Variants in CCDC62 observed in about 807,000 individuals in gnomAD.
CCDC62 encodes the protein coiled-coil domain-containing protein 62.
In CCDC62, 72 loss-of-function variants were observed where a neutral mutation model predicts 80.8. The observed-to-expected ratio is 0.89, with a 90% CI of 0.74 to 1.08. The LOEUF is 1.08. Ranked by LOEUF, CCDC62 falls within the 50% of genes least tolerant of loss-of-function variation. The pLI is 0.00. For missense variants in CCDC62, 704 were observed against 809.4 expected (o/e 0.87, Z 1.58); for synonymous variants, 286 against 296.5 (o/e 0.96, Z 0.36).
chr12:122,803,156 G>A (rs145372704), intron 9 of CCDC62, among the ~76,000 whole-genome samples: 2 of 152,232 alleles, frequency 1.3e-5, no homozygotes, highest in East Asian at 3.9e-4. Flanking sequence ...GTGAGCCACC[G>A]CATCCAGCAT....
chr12:122,805,605 C>G (rs1055654618), intron 9 of CCDC62, among the ~76,000 whole-genome samples: 1 of 149,540 alleles, frequency 6.7e-6, no homozygotes, highest in Non-Finnish European at 1.5e-5. Context: ...AGCTCTGCCT[C>G]CCGGGTTCAC....
At position 122,777,696 on chromosome 12, in the gene CCDC62, T is replaced by G; in HGVS notation, c.229+13T>G. 6.2e-7 allele frequency: 1 copy of G among 1,611,116 alleles called. No individual in the cohort carries two copies. Among genetic ancestry groups the G allele is most frequent in the Non-Finnish European group, 8.5e-7 (1 of 1,177,358 alleles). ...AGCAAATTAGAAGGTCAGAAATACA[T>G]TCAGGGACAACAGTTATGCACTTCT... On this transcript the variant is annotated intron_variant, in intron 2 of 12. Coordinates refer to ENST00000253079, the MANE Select transcript of CCDC62 (RefSeq NM_201435.5).
At chr12:122,823,831 C>A (rs2032505275) in intron 12 of CCDC62, among the ~76,000 whole-genome samples, 1 of 151,262 alleles carries the variant, frequency 6.6e-6, no homozygotes, top group Non-Finnish European at 1.5e-5. Context: ...ACTAAAAATA[C>A]AAAAATTAGC....
At chr12:122,795,682 C>A (rs538329109) in intron 6 of CCDC62, among the ~76,000 whole-genome samples, 20 of 152,290 alleles carry the variant, frequency 1.3e-4, no homozygotes, top group African/African-American at 4.6e-4. Context: ...CCTTGGCCTC[C>A]CAAAGTGCTG....
rs929166742 is a variant in CCDC62, at chr12:122,797,516, G to C, written c.861+121G>C. 1.1e-5 allele frequency: 6 copies of C among 561,808 alleles called. No homozygotes were observed. The African/African-American group carries it at 1.2e-4, about 11-fold the overall frequency. 34.8% of individuals were successfully genotyped at this position (561,808 alleles called of 1,614,324 possible). A position where few individuals can be genotyped will look rare whatever the true frequency, so the allele number is the denominator to read the frequency against. ...GTGATTTGGAATCCTAACTACATTA[G>C]TTGTATATCATGTTTATTTATTTTT... is the stretch of plus-strand genomic sequence containing the variant. On this transcript the variant is annotated intron_variant, in intron 7 of 12. Coordinates refer to ENST00000253079, the MANE Select transcript of CCDC62 (RefSeq NM_201435.5).
intron 11 of CCDC62, 107 bp from the exon 12 acceptor site, chr12:122,823,259 C>T: frequency 1.2e-6 from 1 of 824,426 alleles, no homozygotes; most frequent in South Asian, 1.4e-5. Context: ...CCACGCCCAG[C>T]CTCATCTAAC....
At chr12:122,793,288 G>C (rs2030741876) in intron 6 of CCDC62, among the ~76,000 whole-genome samples, 1 of 152,044 alleles carries the variant, frequency 6.6e-6, no homozygotes, top group South Asian at 2.1e-4. Flanking sequence ...GGTATCAGTA[G>C]ACCAAAAAGT....
At chr12:122,790,746 G>T (rs1296585565) in intron 5 of CCDC62, among the ~76,000 whole-genome samples, 1 of 152,244 alleles carries the variant, frequency 6.6e-6, no homozygotes, top group African/African-American at 2.4e-5. Context: ...GGGACTGCAG[G>T]TTCCAGCCCT....
Position 122,827,104 on chromosome 12 carries a change from C to A in CCDC62, c.*723C>A, listed in dbSNP as rs2032664045. On this transcript the variant is annotated 3_prime_UTR_variant, in exon 13 of 13. Transcript: ENST00000253079. ...AAAGACTAAAACACTTCCATTTTAACTTGTAAAGTAATTTAATTTTTTAAA... is the reference window on the plus strand; with the variant it reads ...AAAGACTAAAACACTTCCATTTTAAATTGTAAAGTAATTTAATTTTTTAAA... 6.6e-6 allele frequency: 1 copy of A among 152,142 alleles called. No individual in the cohort carries two copies. Among genetic ancestry groups the A allele is most frequent in the African/African-American group, 2.4e-5 (1 of 41,424 alleles). 9.4% of individuals were successfully genotyped at this position (152,142 alleles called of 1,614,324 possible). A position where few individuals can be genotyped will look rare whatever the true frequency, so the allele number is the denominator to read the frequency against.
intron 6 of CCDC62, among the ~76,000 whole-genome samples, chr12:122,792,376 A>G (rs2030679020): frequency 6.6e-6 from 1 of 151,742 alleles, no homozygotes; most frequent in African/African-American, 2.4e-5. Context: ...ATGAGCCACC[A>G]CGCCCGGCTA....
intron 11 of CCDC62, among the ~76,000 whole-genome samples, chr12:122,816,375 C>A (rs1007650158): frequency 1.3e-5 from 2 of 152,094 alleles, no homozygotes; most frequent in Non-Finnish European, 2.9e-5. Context: ...CTGGGGAGAA[C>A]CTTTATGACT....
chr12:122,782,527 C>T (rs534517376), intron 3 of CCDC62, among the ~76,000 whole-genome samples: 7 of 152,192 alleles, frequency 4.6e-5, no homozygotes, highest in African/African-American at 9.6e-5. Context: ...GGCACGATCT[C>T]GGCTCACCAT....
chr12:122,803,196 A>T (rs2031404236), intron 9 of CCDC62, among the ~76,000 whole-genome samples: 1 of 152,178 alleles, frequency 6.6e-6, no homozygotes, highest in Admixed American at 6.6e-5. Context: ...GTCACTTAGT[A>T]TATTTACATA....
intron 10 of CCDC62, among the ~76,000 whole-genome samples, 158 bp from the exon 11 acceptor site, chr12:122,813,112 C>G (rs541933324): frequency 2.0e-5 from 3 of 152,088 alleles, no homozygotes; most frequent in African/African-American, 7.2e-5. Flanking sequence ...GAGGATCACT[C>G]GAGCCCAGGA....
At chr12:122,803,605 G>T (rs2031427522) in intron 9 of CCDC62, among the ~76,000 whole-genome samples, 1 of 152,016 alleles carries the variant, frequency 6.6e-6, no homozygotes, top group South Asian at 2.1e-4. Flanking sequence ...GTATCCTTTG[G>T]CTCTTTAATT....
At chr12:122,819,211 C>T (rs931719854) in intron 11 of CCDC62, among the ~76,000 whole-genome samples, 1 of 152,164 alleles carries the variant, frequency 6.6e-6, no homozygotes, top group Non-Finnish European at 1.5e-5. Context: ...GTACTGAGTA[C>T]AGCTAGGTAC....
At chr12:122,817,859 T>C (rs1476147071) in intron 11 of CCDC62, among the ~76,000 whole-genome samples, 1 of 152,078 alleles carries the variant, frequency 6.6e-6, no homozygotes, top group Non-Finnish European at 1.5e-5. Flanking sequence ...AGAGTGCACG[T>C]CAGGTAGCCA....
chr12:122,808,663 A>G (rs990296092), intron 10 of CCDC62, among the ~76,000 whole-genome samples: 1 of 152,002 alleles, frequency 6.6e-6, no homozygotes, highest in Admixed American at 6.6e-5. Context: ...ATTAGCTGGG[A>G]CTGTAGGCAT....
At chr12:122,804,188 G>A (rs2031458034) in intron 9 of CCDC62, among the ~76,000 whole-genome samples, 1 of 152,170 alleles carries the variant, frequency 6.6e-6, no homozygotes, top group Non-Finnish European at 1.5e-5. Flanking sequence ...TCACTTCATT[G>A]TAGCTTACAG....
Sources: allele counts gnomAD v4.1 joint callset (sites outside exome capture counted in the v4.1 genomes callset), GRCh38; gene constraint gnomAD v4.1.1; transcripts MANE v1.5; gene names NCBI Gene and HGNC (gene_info 2026-07-23, HGNC 2026-07-21).